The following SLC25A25 variants were observed in gnomAD, a reference collection of about 807,000 sequenced individuals.
The protein encoded by SLC25A25 is mitochondrial adenyl nucleotide antiporter SLC25A25.
Under a neutral mutation model 57.7 loss-of-function variants are expected in SLC25A25, and 32 were observed. The ratio of observed to expected loss-of-function variants is 0.55; its 90% confidence interval spans 0.42 to 0.74. SLC25A25 has a LOEUF of 0.74. Among genes scored for constraint, SLC25A25 ranks in the 30% least tolerant of loss-of-function variants. The pLI is 0.00. For missense variants in SLC25A25, 556 were observed against 701.3 expected (o/e 0.79, Z 2.34); for synonymous variants, 306 against 291.2 (o/e 1.05, Z -0.52).
chr9:128,076,434 C>CTTTTTT (rs1175121070), intron 1 of SLC25A25, among the ~76,000 whole-genome samples: 1 of 146,744 alleles, frequency 6.8e-6, no homozygotes, highest in African/African-American at 2.5e-5. Flanking sequence ...CCCAGCCTAA[C>CTTTTTT]TTTTTTTTTA....
At chr9:128,100,061 AC>A (rs1251173712) in intron 1 of SLC25A25, among the ~76,000 whole-genome samples, 3 of 152,108 alleles carry the variant, frequency 2.0e-5, no homozygotes, top group African/African-American at 7.2e-5. Context: ...TGGGAGGACC[AC>A]GGCCCAACTT....
At position 128,105,830 on chromosome 9, in the gene SLC25A25, C is replaced by T. The variant is rs1249158132; in HGVS notation, c.885C>T (p.Asn295=). The T allele has an allele frequency of 4.3e-6, 7 of 1,614,176 alleles. No individual in the cohort carries two copies. Among genetic ancestry groups the T allele is most frequent in the Middle Eastern group, 1.7e-4 (1 of 6,058 alleles). Residue 295 remains asparagine (N), a synonymous_variant, in exon 7 of 11, where the codon AAC becomes AAT. Transcript: ENST00000373069. ...ARSLWRGNGI[N]VLKIAPESAI... ...CACTCTGGCGGGGCAATGGCATCAA[C>T]GTCCTCAAAATTGCCCCCGAATCAG...
chr9:128,071,965 G>A lies in SLC25A25; in HGVS notation c.261+3385G>A, dbSNP rs146268815. Reference sequence around the variant, plus strand: ...TGACCTCAAGTGATCTACCCACCTCGGCCTCCCAAAGTTCAGGGATTACAG... The same window carrying A: ...TGACCTCAAGTGATCTACCCACCTCAGCCTCCCAAAGTTCAGGGATTACAG... On this transcript the variant is annotated intron_variant, in intron 1 of 10. Coordinates refer to ENST00000373069, the MANE Select transcript of SLC25A25 (RefSeq NM_001330988.2). Among the ~76,000 whole-genome samples the A allele has an allele frequency of 3.2e-4, 49 of 152,216 alleles. No individual in the cohort carries two copies. In the East Asian group the frequency reaches 9.1e-3, roughly 28 times the overall value.
chr9:128,102,517 C>A lies in SLC25A25; in HGVS notation c.624+36C>A. 6.4e-7 allele frequency: 1 copy of A among 1,561,686 alleles called. No individual in the cohort carries two copies. On this transcript the variant is annotated intron_variant, in intron 5 of 10. Transcript: ENST00000373069. The surrounding 1 kb of genome is among the most constrained non-coding windows in gnomAD (Gnocchi z 4.1). ...CGTGCCCAGGGCCCTCATCTGCTCC[C>A]AGGGACCCTTAGCCCAGAGTCACCC... is the stretch of plus-strand genomic sequence containing the variant.
At chr9:128,091,737 C>T in intron 1 of SLC25A25, 1 of 1,469,070 alleles carries the variant, frequency 6.8e-7, no homozygotes, top group Non-Finnish European at 8.9e-7. Flanking sequence ...GAAACCGCCC[C>T]TGCATGCAGA....
Position 128,102,546 on chromosome 9 carries a change from C to T in SLC25A25, c.624+65C>T, listed in dbSNP as rs1339796579. ...GACCCTTAGCCCAGAGTCACCCAGT[C>T]GTCCCCATCCCAGAGTGCAGCTGGG... On this transcript the variant is annotated intron_variant, in intron 5 of 10. Transcript: ENST00000373069. This position sits in a 1 kb window ranked among gnomAD's most constrained non-coding sequence, Gnocchi z 4.1. 3.0e-6 allele frequency: 4 copies of T among 1,340,598 alleles called. No individual in the cohort carries two copies. Among genetic ancestry groups the T allele is most frequent in the East Asian group, 4.9e-5 (2 of 41,102 alleles). 83.0% of individuals were successfully genotyped at this position (1,340,598 alleles called of 1,614,324 possible). A position where few individuals can be genotyped will look rare whatever the true frequency, so the allele number is the denominator to read the frequency against.
At position 128,101,119 on chromosome 9, in the gene SLC25A25, G is replaced by A. The variant is rs1226763123; in HGVS notation, c.285G>A (p.Lys95=). The A allele has an allele frequency of 6.2e-7, 1 of 1,614,130 alleles. No homozygotes were observed. The highest frequency in any genetic ancestry group is 2.2e-5 in the East Asian group (1 of 44,908). Residue 95 remains lysine (K), a synonymous_variant, in exon 2 of 11, where the codon AAG becomes AAA. Transcript: ENST00000373069. The surrounding 1 kb of genome is among the most constrained non-coding windows in gnomAD (Gnocchi z 4.9). ...AGAAAATTGTACAAGCTGGAGATAAGGACCTTGATGGGCAGCTAGACTTTG... is the reference window on the plus strand; with the variant it reads ...AGAAAATTGTACAAGCTGGAGATAAAGACCTTGATGGGCAGCTAGACTTTG... ...ELQKIVQAGD[K]DLDGQLDFEE...
intron 1 of SLC25A25, among the ~76,000 whole-genome samples, chr9:128,078,683 A>G (rs1410787023): frequency 1.3e-5 from 2 of 152,214 alleles, no homozygotes; most frequent in African/African-American, 2.4e-5. Context: ...AAGTTGTGAA[A>G]GTGGAAGCTC....
In SLC25A25 at chr9:128,083,932, A is replaced by G. The variant is rs967793970; in HGVS notation, c.261+15352A>G. On this transcript the variant is annotated intron_variant, in intron 1 of 10. Coordinates refer to ENST00000373069, the MANE Select transcript of SLC25A25 (RefSeq NM_001330988.2). ...AACTCGCTTTCTGCGTTGTTCTTCT[A>G]AGACTCCCTTGGGCATCTCCAATTG... Among the ~76,000 whole-genome samples, 4 of 152,246 alleles carry G rather than the reference A, an allele frequency of 2.6e-5. No homozygotes were observed. The South Asian group carries it at 8.3e-4, about 32-fold the overall frequency.
rs1429172536 is a variant in SLC25A25 at position 128,101,702 on chromosome 9, C to T, written c.476+306C>T. Among the ~76,000 whole-genome samples, 2 of 17,608 alleles carry T rather than the reference C, an allele frequency of 1.1e-4. No individual in the cohort carries two copies. The highest frequency in any genetic ancestry group is 9.3e-4 in the East Asian group (1 of 1,072). The allele number at this position is 17,608 out of a possible 152,430, so 11.6% of individuals were successfully genotyped here. A position where few individuals can be genotyped will look rare whatever the true frequency, so the allele number is the denominator to read the frequency against. ...GGAGCACCTGTGCGTGTGGAGGGGG[C>T]GGGGCGGGGCGGGGGGCTCACACTG... On this transcript the variant is annotated intron_variant, in intron 3 of 10. Coordinates refer to ENST00000373069, the MANE Select transcript of SLC25A25 (RefSeq NM_001330988.2). This position sits in a 1 kb window ranked among gnomAD's most constrained non-coding sequence, Gnocchi z 4.9.
At position 128,068,343 on chromosome 9, in the gene SLC25A25, C is replaced by G. The variant is rs534756011; in HGVS notation, c.24C>G (p.Arg8=). The change falls in exon 1 of 11, where the codon CGC becomes CGG. Residue 8 remains arginine, a synonymous_variant. Coordinates refer to ENST00000373069, the MANE Select transcript of SLC25A25 (RefSeq NM_001330988.2). MVSSVLC[R]CVASPPPDAA... ...CGATGGTGAGCAGTGTGTTGTGCCG[C>G]TGTGTGGCCTCCCCGCCGCCGGACG... The G allele has an allele frequency of 6.5e-7, 1 of 1,533,968 alleles. No individual in the cohort carries two copies. Among genetic ancestry groups the G allele is most frequent in the African/African-American group, 1.4e-5 (1 of 70,118 alleles).
chr9:128,068,355 CCCGCCGCCGGACG>C lies in SLC25A25; in HGVS notation c.45_57del (p.Asp16ProfsTer82). ...GTGTGTTGTGCCGCTGTGTGGCCTC[CCCGCCGCCGGACG>C]CCGCCGCCACCGCCGCCTCTTCGTC... is the stretch of plus-strand genomic sequence containing the variant. On this transcript the variant is annotated frameshift_variant, in exon 1 of 11. Transcript: ENST00000373069. LOFTEE classifies it high-confidence loss of function. 1.9e-6 allele frequency: 3 copies of C among 1,540,646 alleles called. No individual in the cohort carries two copies. Among genetic ancestry groups the C allele is most frequent in the Non-Finnish European group, 2.6e-6 (3 of 1,151,472 alleles).
chr9:128,090,597 G>A (rs1435168634), intron 1 of SLC25A25, among the ~76,000 whole-genome samples: 1 of 151,872 alleles, frequency 6.6e-6, no homozygotes, highest in Non-Finnish European at 1.5e-5. Context: ...GATCACTTGA[G>A]GTCAGGAGTT....
chr9:128,098,141 G>A (rs1464668763), intron 1 of SLC25A25, among the ~76,000 whole-genome samples: 2 of 152,260 alleles, frequency 1.3e-5, no homozygotes, highest in Non-Finnish European at 2.9e-5. Flanking sequence ...ACTGTTGTGT[G>A]ACACGTTTGG....
In SLC25A25 at chr9:128,099,967, G is replaced by A. The variant is rs749584605; in HGVS notation, c.262-1129G>A. Among the ~76,000 whole-genome samples, 15 of 152,142 alleles carry A rather than the reference G, an allele frequency of 9.9e-5. No individual in the cohort carries two copies. The highest frequency in any genetic ancestry group is 1.5e-4 in the Non-Finnish European group (10 of 68,032). On this transcript the variant is annotated intron_variant, in intron 1 of 10. Coordinates refer to ENST00000373069, the MANE Select transcript of SLC25A25 (RefSeq NM_001330988.2). This position sits in a 1 kb window ranked among gnomAD's most constrained non-coding sequence, Gnocchi z 6.8. Reference sequence around the variant, plus strand: ...TTTTGGGTTCCGGATTCAGGGCGTTGCTGAGTTGGGGTGACTCACTTTCAT... The same window carrying A: ...TTTTGGGTTCCGGATTCAGGGCGTTACTGAGTTGGGGTGACTCACTTTCAT...
At chr9:128,091,777 C>T (rs1404598684) in intron 1 of SLC25A25, 2 of 1,495,344 alleles carry the variant, frequency 1.3e-6, no homozygotes, top group Non-Finnish European at 1.8e-6. Context: ...CAGGCCCGTC[C>T]TCCCAGCAGC....
intron 1 of SLC25A25, among the ~76,000 whole-genome samples, chr9:128,085,049 G>C (rs968406934): frequency 6.6e-6 from 1 of 152,160 alleles, no homozygotes; most frequent in African/African-American, 2.4e-5. Flanking sequence ...TATATATTGG[G>C]CCGGGCAGAG....
intron 1 of SLC25A25, among the ~76,000 whole-genome samples, chr9:128,083,513 C>CTTTT (rs1315501906): frequency 0.69 from 80,779 of 117,136 alleles, 30,028 homozygotes; most frequent in Non-Finnish European, 0.81. Flanking sequence ...TTTCTTTTTT[C>CTTTT]TTTTTTTTTT....
In SLC25A25 at chr9:128,103,840, G is replaced by T; in HGVS notation, c.783+1G>T. ...GGACAGGCTCAAGGTGCTCATGCAGGTATGTAGGGAAAAGGCCCCAGACCC... is the reference window on the plus strand; with the variant it reads ...GGACAGGCTCAAGGTGCTCATGCAGTTATGTAGGGAAAAGGCCCCAGACCC... On this transcript the variant is annotated splice_donor_variant, in intron 6 of 10. Coordinates refer to ENST00000373069, the MANE Select transcript of SLC25A25 (RefSeq NM_001330988.2). LOFTEE classifies it high-confidence loss of function. This position sits in a 1 kb window ranked among gnomAD's most constrained non-coding sequence, Gnocchi z 6.7. 1 of 1,571,804 alleles carries T rather than the reference G, an allele frequency of 6.4e-7. No individual in the cohort carries two copies. The highest frequency in any genetic ancestry group is 8.6e-7 in the Non-Finnish European group (1 of 1,158,340).
Sources: allele counts gnomAD v4.1 joint callset (sites outside exome capture counted in the v4.1 genomes callset), GRCh38; gene constraint gnomAD v4.1.1; non-coding constraint Gnocchi (gnomAD v3.1); transcripts MANE v1.5; gene names NCBI Gene and HGNC (gene_info 2026-07-23, HGNC 2026-07-21).